P2RY8: variants seen among roughly 807,000 people sequenced by gnomAD.
P2RY8 encodes the protein S-geranylgeranyl-glutathione receptor P2RY8.
In P2RY8, 6 loss-of-function variants were observed where a neutral mutation model predicts 10.0. The ratio of observed to expected loss-of-function variants is 0.60; its 90% CI spans 0.33 to 1.19. The LOEUF is 1.19. Ranked by LOEUF, P2RY8 falls within the 50% of genes most tolerant of loss-of-function variation. The pLI, the probability that P2RY8 is intolerant of heterozygous loss-of-function variation, is 0.04. For synonymous variants in P2RY8, 276 were observed against 252.5 expected, an observed-to-expected ratio of 1.09 and a Z score of -0.88; for missense variants, 456 against 542.0, an observed-to-expected ratio of 0.84 and a Z score of 1.58.
intron 1 of P2RY8, among the ~76,000 whole-genome samples, chrX:1,513,503 C>T (rs1456017637): frequency 1.3e-5 from 2 of 150,766 alleles, no homozygotes; most frequent in Non-Finnish European, 3.0e-5. Context: ...GTGTCTGCCT[C>T]TGTCTCCACG....
chrX:1,480,465 G>A (rs2091922237), intron 1 of P2RY8, among the ~76,000 whole-genome samples: 1 of 151,298 alleles, frequency 6.6e-6, no homozygotes, highest in African/African-American at 2.4e-5. Context: ...ACCGCTCACT[G>A]CAGCCTCGAA....
chrX:1,508,702 C>CATCCATCCATCT (rs1224676271), intron 1 of P2RY8, among the ~76,000 whole-genome samples: 1,211 of 86,040 alleles, frequency 0.014, 54 homozygotes, highest in African/African-American at 0.056. Flanking sequence ...TCCATCCATC[C>CATCCATCCATCT]ATTCTATCTA....
intron 1 of P2RY8, among the ~76,000 whole-genome samples, chrX:1,501,250 C>T (rs771357041): frequency 1.3e-5 from 2 of 152,314 alleles, no homozygotes; most frequent in Admixed American, 6.5e-5. Context: ...CTTCAAGGGA[C>T]GTAAATATCA....
chrX:1,530,015 G>A (rs1297657760), intron 1 of P2RY8, among the ~76,000 whole-genome samples: 5 of 151,946 alleles, frequency 3.3e-5, no homozygotes, highest in African/African-American at 1.2e-4. Context: ...GGCCCCAAAT[G>A]TCTATAGTGT....
intron 1 of P2RY8, among the ~76,000 whole-genome samples, chrX:1,507,198 C>T (rs184249659): frequency 4.3e-4 from 65 of 152,138 alleles, no homozygotes; most frequent in Admixed American, 9.8e-4. Context: ...ACACCCCCAG[C>T]TGCCTCTGAG....
intron 1 of P2RY8, among the ~76,000 whole-genome samples, chrX:1,509,912 T>G (rs1272531977): frequency 6.6e-6 from 1 of 151,390 alleles, no homozygotes; most frequent in South Asian, 2.1e-4. Flanking sequence ...CTATCTATCT[T>G]CTCTATCATC....
intron 1 of P2RY8, among the ~76,000 whole-genome samples, chrX:1,498,041 C>A (rs1254372064): frequency 1.3e-5 from 2 of 152,128 alleles, no homozygotes; most frequent in African/African-American, 4.8e-5. Context: ...CTGCTCCCTG[C>A]GAGCTGATTC....
intron 1 of P2RY8, among the ~76,000 whole-genome samples, chrX:1,498,372 C>T (rs2092139433): frequency 7.3e-6 from 1 of 137,258 alleles, no homozygotes; most frequent in Non-Finnish European, 1.6e-5. Context: ...CGCCACTGCA[C>T]TCCAGCCTGG....
At chrX:1,512,500 T>C (rs2092305822) in intron 1 of P2RY8, among the ~76,000 whole-genome samples, 1 of 136,492 alleles carries the variant, frequency 7.3e-6, no homozygotes, top group Non-Finnish European at 1.5e-5. Context: ...TGGGCTGAGA[T>C]CATGCCATTG....
chrX:1,484,986 C>CT (rs773650240), intron 1 of P2RY8, among the ~76,000 whole-genome samples: 68 of 81,406 alleles, frequency 8.4e-4, no homozygotes, highest in South Asian at 1.7e-3. Flanking sequence ...GTAATAATGT[C>CT]TTTTTTTTTT....
chrX:1,478,991 C>T (rs1159949325), intron 1 of P2RY8, among the ~76,000 whole-genome samples: 3 of 152,108 alleles, frequency 2.0e-5, no homozygotes, highest in African/African-American at 7.2e-5. Flanking sequence ...ATTCCAAGTC[C>T]CCTCAGCCAC....
intron 1 of P2RY8, among the ~76,000 whole-genome samples, chrX:1,507,437 G>A (rs1377643085): frequency 1.3e-5 from 2 of 152,118 alleles, no homozygotes; most frequent in African/African-American, 4.8e-5. Context: ...AGACACGCCA[G>A]GACCCCACCC....
chrX:1,514,344 C>A (rs188353977), intron 1 of P2RY8, among the ~76,000 whole-genome samples: 1 of 150,280 alleles, frequency 6.7e-6, no homozygotes, highest in Admixed American at 6.6e-5. Context: ...CCTTTCCTTC[C>A]CTTCCCTTTT....
In P2RY8 at chrX:1,465,824, G is replaced by C; in HGVS notation, c.735C>G (p.Ala245=). Reference sequence around the variant, plus strand: ...TGTTGGGGGCGAAGCAGGTGACAAAGGCCAGCAAGACCACCGCGGCCAGGC... The same window carrying C: ...TGTTGGGGGCGAAGCAGGTGACAAACGCCAGCAAGACCACCGCGGCCAGGC... ...AVGLAAVVLL[A]FVTCFAPNNF... is the part of the protein sequence containing the mutation. Residue 245 remains alanine, a synonymous_variant, in exon 2 of 2, where the codon GCC becomes GCG. Transcript: ENST00000381297. The C allele has an allele frequency of 6.2e-7, 1 of 1,613,226 alleles. No individual in the cohort carries two copies. The highest frequency in any genetic ancestry group is 8.5e-7 in the Non-Finnish European group (1 of 1,179,792).
chrX:1,524,915 AT>A (rs2092430046), intron 1 of P2RY8, among the ~76,000 whole-genome samples: 1 of 151,368 alleles, frequency 6.6e-6, no homozygotes, highest in Non-Finnish European at 1.5e-5. Flanking sequence ...CCATCCATCC[AT>A]CCATCCACCC....
rs1181144221 is a variant in P2RY8, at chrX:1,521,029, CTTTTCTTTTTT to C, written c.-25+15881_-25+15891del. Among the ~76,000 whole-genome samples, 26 of 83,930 alleles carry C rather than the reference CTTTTCTTTTTT, an allele frequency of 3.1e-4. No homozygotes were observed. In the South Asian group the frequency reaches 8.4e-3, roughly 27 times the overall value. The allele number at this position is 83,930 out of a possible 152,430, so 55.1% of individuals were successfully genotyped here. ...CTCCCCAATATCCTCTCTGATTTTT[CTTTTCTTTTTT>C]TTTTTTTTTTTTTGAGACAGAGTCT... On this transcript the variant is annotated intron_variant, in intron 1 of 1. Coordinates refer to ENST00000381297, the MANE Select transcript of P2RY8 (RefSeq NM_178129.5).
intron 1 of P2RY8, among the ~76,000 whole-genome samples, chrX:1,506,271 G>T (rs1331983197): frequency 6.6e-6 from 1 of 152,116 alleles, no homozygotes; most frequent in East Asian, 1.9e-4. Context: ...GGGATGACGG[G>T]TGTGAGCCAC....
chrX:1,484,724 T>TAAAAAAAAAAAAAA (rs1171758279), intron 1 of P2RY8, among the ~76,000 whole-genome samples: 22 of 16,772 alleles, frequency 1.3e-3, no homozygotes, highest in Middle Eastern at 0.05. Flanking sequence ...CAAAACCCTG[T>TAAAAAAAAAAAAAA]AAAAAAAAAA....
At chrX:1,509,749 C>CTATCTA (rs1181613378) in intron 1 of P2RY8, among the ~76,000 whole-genome samples, 36 of 93,460 alleles carry the variant, frequency 3.9e-4, no homozygotes, top group South Asian at 2.2e-3. Context: ...ATGTATCTAT[C>CTATCTA]TGTCTATCTA....
Sources: allele counts gnomAD v4.1 joint callset (sites outside exome capture counted in the v4.1 genomes callset), GRCh38; gene constraint gnomAD v4.1.1; transcripts MANE v1.5; gene names NCBI Gene and HGNC (gene_info 2026-07-23, HGNC 2026-07-21).